CFAP221: variants seen among roughly 807,000 people sequenced by gnomAD.
CFAP221 encodes the protein cilia- and flagella-associated protein 221.
A neutral mutation model predicts 113.1 loss-of-function variants in CFAP221; 97 were observed. That is an observed-to-expected ratio of 0.86 (90% CI 0.73 to 1.02). The LOEUF is 1.02. CFAP221 is among the 50% of genes least tolerant of loss of function. The pLI, the probability that CFAP221 is intolerant of heterozygous loss-of-function variation, is 0.00. For missense variants in CFAP221, 1,025 were observed against 1,013.4 expected, an observed-to-expected ratio of 1.01 and a Z score of -0.16; for synonymous variants, 331 against 354.4, an observed-to-expected ratio of 0.93 and a Z score of 0.74.
At chr2:119,605,489 A>T (rs1684675302) in intron 11 of CFAP221, among the ~76,000 whole-genome samples, 200 bp downstream of exon 11, 1 of 152,340 alleles carries the variant, frequency 6.6e-6, no homozygotes, top group African/African-American at 2.4e-5. Flanking sequence ...CTGTTTGCTA[A>T]GTGTGACCAG....
intron 3 of CFAP221, among the ~76,000 whole-genome samples, chr2:119,549,579 G>A (rs1558903060): frequency 6.6e-6 from 1 of 152,244 alleles, no homozygotes; most frequent in South Asian, 2.1e-4. Flanking sequence ...AGGACATAGA[G>A]CTGCTTAGTG....
chr2:119,559,743 A>G lies in CFAP221; in HGVS notation c.295A>G (p.Thr99Ala). 6.5e-7 allele frequency: 1 copy of G among 1,531,478 alleles called. No homozygotes were observed. The allele number at this position is 1,531,478 out of a possible 1,614,324, so 94.9% of individuals were successfully genotyped here. Residue 99 changes from threonine to alanine, a missense_variant, in exon 4 of 24, where the codon ACC becomes GCC. Transcript: ENST00000413369. ...ACGTGTTCATATTTTACCCCCGCAA[A>G]CCAAATACTTTGAGATCAATTATGT... ...DTRVHILPPQTKYFEINYVRK... is the reference protein window; with the variant it reads ...DTRVHILPPQAKYFEINYVRK...
chr2:119,587,343 G>A, intron 7 of CFAP221, 121 bp downstream of exon 7: 1 of 559,454 alleles, frequency 1.8e-6, no homozygotes, highest in East Asian at 3.3e-5. Flanking sequence ...AAATGGAATT[G>A]GACACGTCAG....
intron 22 of CFAP221, among the ~76,000 whole-genome samples, chr2:119,650,756 A>G (rs1307720553): frequency 1.3e-5 from 2 of 152,264 alleles, no homozygotes; most frequent in African/African-American, 2.4e-5. Context: ...AAGCGCCAGC[A>G]TAGTGATTTG....
At chr2:119,604,203 AG>A (rs1471796579) in intron 8 of CFAP221, among the ~76,000 whole-genome samples, 1 of 152,208 alleles carries the variant, frequency 6.6e-6, no homozygotes, top group Non-Finnish European at 1.5e-5. Flanking sequence ...TGGGAGGCAG[AG>A]GCTGGTGGAT....
At chr2:119,649,751 G>A (rs535489857) in intron 22 of CFAP221, among the ~76,000 whole-genome samples, 3 of 152,292 alleles carry the variant, frequency 2.0e-5, no homozygotes, top group African/African-American at 7.2e-5. Context: ...TGTTCTGAGA[G>A]GAACAAGGAC....
At chr2:119,557,167 G>T (rs894030735) in intron 3 of CFAP221, 1 of 152,194 alleles carries the variant, frequency 6.6e-6, no homozygotes, top group Non-Finnish European at 1.5e-5. Flanking sequence ...ATTTAAGCCA[G>T]TGAGCTTATT....
rs368854667 is a variant in CFAP221, at chr2:119,639,908, G to A, written c.2225+36G>A. On this transcript the variant is annotated intron_variant, in intron 21 of 23. Coordinates refer to ENST00000413369, the MANE Select transcript of CFAP221 (RefSeq NM_001271049.2). ...CTCATCTGTTTGCTCACGAGTATGTGTGCCCCATGTATTACAGAGGCAATG... is the reference window on the plus strand; with the variant it reads ...CTCATCTGTTTGCTCACGAGTATGTATGCCCCATGTATTACAGAGGCAATG... The A allele has an allele frequency of 3.3e-5, 52 of 1,552,826 alleles. No individual in the cohort carries two copies. In the African/African-American group the frequency reaches 6.8e-4, roughly 20 times the overall value.
intron 6 of CFAP221, among the ~76,000 whole-genome samples, chr2:119,569,815 A>G (rs1681917664): frequency 6.6e-6 from 1 of 152,044 alleles, no homozygotes; most frequent in African/African-American, 2.4e-5. Flanking sequence ...CATTTCTGTT[A>G]TTATGTTTTT....
intron 12 of CFAP221, among the ~76,000 whole-genome samples, chr2:119,609,587 A>G (rs1685011661): frequency 6.6e-6 from 1 of 152,082 alleles, no homozygotes; most frequent in East Asian, 1.9e-4. Flanking sequence ...GGCACCAGTC[A>G]TATTGGATTA....
intron 7 of CFAP221, among the ~76,000 whole-genome samples, chr2:119,598,140 T>A (rs1265660011): frequency 6.6e-6 from 1 of 152,218 alleles, no homozygotes; most frequent in Non-Finnish European, 1.5e-5. Flanking sequence ...AAAATTATTT[T>A]AAAATTAAAT....
intron 2 of CFAP221, among the ~76,000 whole-genome samples, chr2:119,546,580 T>G (rs1303679416): frequency 6.6e-6 from 1 of 152,212 alleles, no homozygotes; most frequent in Non-Finnish European, 1.5e-5. Context: ...ATTCTCCTCC[T>G]GTCAGTTTGC....
chr2:119,624,801 A>G (rs376282242), intron 14 of CFAP221, among the ~76,000 whole-genome samples: 3 of 152,158 alleles, frequency 2.0e-5, no homozygotes, highest in East Asian at 1.9e-4. Context: ...GTTCTCCCTC[A>G]TAAGTGGGAG....
intron 15 of CFAP221, 109 bp from the exon 16 acceptor site, chr2:119,627,541 ATAT>A: frequency 2.5e-6 from 2 of 813,754 alleles, no homozygotes; most frequent in Non-Finnish European, 3.8e-6. Context: ...ATATATATAT[ATAT>A]ACACACCCAC....
At chr2:119,578,562 C>T (rs1682614386) in intron 6 of CFAP221, among the ~76,000 whole-genome samples, 1 of 152,238 alleles carries the variant, frequency 6.6e-6, no homozygotes. Context: ...CCAAGCTTCA[C>T]TTGGTAGTGA....
intron 12 of CFAP221, among the ~76,000 whole-genome samples, chr2:119,609,416 G>A (rs1373577242): frequency 6.6e-6 from 1 of 152,200 alleles, no homozygotes. Context: ...CTGGAGGCTG[G>A]AAGTCCAAAA....
chr2:119,597,595 A>C (rs1346367031), intron 7 of CFAP221, among the ~76,000 whole-genome samples: 1 of 152,208 alleles, frequency 6.6e-6, no homozygotes, highest in Non-Finnish European at 1.5e-5. Flanking sequence ...GGCGTTTTGA[A>C]CAAGGAATTG....
chr2:119,575,177 T>C (rs1455199591), intron 6 of CFAP221, among the ~76,000 whole-genome samples: 2 of 152,178 alleles, frequency 1.3e-5, no homozygotes, highest in Non-Finnish European at 2.9e-5. Flanking sequence ...CTCTTATCTT[T>C]CCCCAATAAA....
In CFAP221 at chr2:119,587,139, T is replaced by A; in HGVS notation, c.548T>A (p.Leu183Ter). 6.6e-7 allele frequency: 1 copy of A among 1,525,090 alleles called. No individual in the cohort carries two copies. Among genetic ancestry groups the A allele is most frequent in the Non-Finnish European group, 8.8e-7 (1 of 1,141,952 alleles). The allele number at this position is 1,525,090 out of a possible 1,614,324, so 94.5% of individuals were successfully genotyped here. A position where few individuals can be genotyped will look rare whatever the true frequency, so the allele number is the denominator to read the frequency against. ...TGCAGCAAAACTTATGTTATTCCTT[T>A]GCAGTGCAGCTGCCCTGTAGATTTT... ...LGESKTYVIP[L>*]QCSCPVDFEF... Residue 183 changes from leucine to a stop codon, truncating the protein, a stop_gained, in exon 7 of 24, where the codon TTG becomes TAG. Transcript: ENST00000413369. LOFTEE classifies it high-confidence loss of function.
Sources: allele counts gnomAD v4.1 joint callset (sites outside exome capture counted in the v4.1 genomes callset), GRCh38; gene constraint gnomAD v4.1.1; transcripts MANE v1.5; gene names NCBI Gene and HGNC (gene_info 2026-07-23, HGNC 2026-07-21).